PDIA6: variants seen among roughly 807,000 people sequenced by gnomAD.
PDIA6 encodes the protein protein disulfide isomerase family A member 6, also known as protein disulfide-isomerase A6.
A neutral mutation model predicts 58.4 loss-of-function variants in PDIA6; 29 were observed. That is an observed-to-expected ratio of 0.50 (90% CI 0.37 to 0.68). The LOEUF (loss-of-function observed/expected upper bound fraction) is 0.68, where lower values mean the gene tolerates loss of function less well. Among genes scored for constraint, PDIA6 ranks in the 30% least tolerant of loss-of-function variants. The pLI, the probability that PDIA6 is intolerant of heterozygous loss-of-function variation, is 0.00. For missense variants in PDIA6, 480 were observed against 551.0 expected (o/e 0.87, Z 1.29); for synonymous variants, 192 against 202.6 (o/e 0.95, Z 0.44).
At chr2:10,820,784 G>C in intron 1 of PDIA6, 1 of 703,030 alleles carries the variant, frequency 1.4e-6, no homozygotes, top group Non-Finnish European at 2.6e-6. Flanking sequence ...GCTGGAAGTC[G>C]GAGCTGATGT....
chr2:10,832,392 C>A (rs1558467667), exon 1 of PDIA6: 3 of 984,578 alleles, frequency 3.0e-6, no homozygotes, highest in Non-Finnish European at 3.6e-6. Flanking sequence ...TCCTCGCCAT[C>A]TACGCCTCAC....
At chr2:10,836,424 G>A (rs1444479433), upstream of PDIA6, among the ~76,000 whole-genome samples, 1 of 152,138 alleles carries the variant, frequency 6.6e-6, no homozygotes, top group East Asian at 1.9e-4. Context: ...AGTTGCCCAG[G>A]CTGATCTCGA....
chr2:10,784,253 G>A lies in PDIA6; in HGVS notation c.*5C>T. 6.2e-7 allele frequency: 1 copy of A among 1,610,048 alleles called. No homozygotes were observed. Among genetic ancestry groups the A allele is most frequent in the African/African-American group, 1.3e-5 (1 of 74,888 alleles). On this transcript the variant is annotated 3_prime_UTR_variant, in exon 13 of 13. Transcript: ENST00000272227. ...GAAAATGGTCTGAAGCCTCTGTTGTGGCTCTCACAACTCATCTTTCCCTAA... is the reference window on the plus strand; with the variant it reads ...GAAAATGGTCTGAAGCCTCTGTTGTAGCTCTCACAACTCATCTTTCCCTAA...
In PDIA6 at chr2:10,797,130, A is replaced by G. The variant is rs1358363057; in HGVS notation, c.297T>C (p.Pro99=). Residue 99 remains proline (P), a synonymous_variant, in exon 4 of 13, where the codon CCT becomes CCC. Coordinates refer to ENST00000272227, the MANE Select transcript of PDIA6 (RefSeq NM_005742.4). ...TGTTGGATCCAAAAATCTTAATGGT[A>G]GGAAATCCCTGAACACCATACTGAC... ...LGGQYGVQGF[P]TIKIFGSNKN... 3.1e-6 allele frequency: 5 copies of G among 1,613,208 alleles called. No individual in the cohort carries two copies. Among genetic ancestry groups the G allele is most frequent in the Non-Finnish European group, 4.2e-6 (5 of 1,179,186 alleles).
chr2:10,806,647 A>ACAGACAGACAG (rs1558452569), intron 1 of PDIA6, among the ~76,000 whole-genome samples: 2 of 149,982 alleles, frequency 1.3e-5, no homozygotes, highest in African/African-American at 4.9e-5. Context: ...AGAAAGAAAG[A>ACAGACAGACAG]AAAACGTTAC....
intron 1 of PDIA6, among the ~76,000 whole-genome samples, chr2:10,830,285 G>T (rs1029909028): frequency 6.6e-6 from 1 of 152,214 alleles, no homozygotes; most frequent in South Asian, 2.1e-4. Flanking sequence ...ATGAATGAAC[G>T]CATCCGTGAA....
chr2:10,802,428 A>T, intron 2 of PDIA6, 71 bp downstream of exon 2: 1 of 1,012,658 alleles, frequency 9.9e-7, no homozygotes, highest in Non-Finnish European at 1.3e-6. Flanking sequence ...ATAAAATCAG[A>T]TTTTTATACA....
At chr2:10,785,131 T>C (rs1420443716) in intron 11 of PDIA6, 101 bp from the exon 12 acceptor site, 2 of 784,082 alleles carry the variant, frequency 2.6e-6, no homozygotes, top group Admixed American at 4.4e-5. Context: ...ACTTTGTTTA[T>C]GCAGAGGCAT....
At chr2:10,789,939 A>G (rs1665955407) in intron 7 of PDIA6, 50 bp from the exon 8 acceptor site, 4 of 1,527,428 alleles carry the variant, frequency 2.6e-6, no homozygotes, top group Non-Finnish European at 3.6e-6. Context: ...TTAATGCAAA[A>G]TAACACAATC....
rs780566135 is a variant in PDIA6 at position 10,802,487 on chromosome 2, TATA to T, written c.161+9_161+11del. ...TACTATAAATAATCTACAACTATTT[TATA>T]ATACTTACCATGGAGCATAGAATTC... is the stretch of plus-strand genomic sequence containing the variant. On this transcript the variant is annotated intron_variant, in intron 2 of 12. Coordinates refer to ENST00000272227, the MANE Select transcript of PDIA6 (RefSeq NM_005742.4). The T allele has an allele frequency of 7.5e-7, 1 of 1,338,476 alleles. No individual in the cohort carries two copies. Among genetic ancestry groups the T allele is most frequent in the Non-Finnish European group, 9.7e-7 (1 of 1,028,912 alleles). The allele number at this position is 1,338,476 out of a possible 1,614,324, so 82.9% of individuals were successfully genotyped here. A position where few individuals can be genotyped will look rare whatever the true frequency, so the allele number is the denominator to read the frequency against.
At chr2:10,797,522 C>T (rs1035970136) in intron 3 of PDIA6, among the ~76,000 whole-genome samples, 178 bp downstream of exon 3, 17 of 152,214 alleles carry the variant, frequency 1.1e-4, no homozygotes, top group African/African-American at 4.1e-4. Flanking sequence ...CCCTTGTTCT[C>T]AGTATGATTT....
At chr2:10,786,959 C>G (rs1665792678) in intron 11 of PDIA6, among the ~76,000 whole-genome samples, 1 of 152,158 alleles carries the variant, frequency 6.6e-6, no homozygotes, top group South Asian at 2.1e-4. Flanking sequence ...TGAGGATGGA[C>G]AGACAGGGCT....
At chr2:10,785,162 A>G in intron 11 of PDIA6, 132 bp from the exon 12 acceptor site, 1 of 648,652 alleles carries the variant, frequency 1.5e-6, no homozygotes, top group Non-Finnish European at 2.8e-6. Flanking sequence ...TTGCTGCACT[A>G]CATTCCTCAG....
rs527557948 is a variant in PDIA6 at position 10,820,833 on chromosome 2, C to T, written c.-47-1479G>A. 7.1e-6 allele frequency: 5 copies of T among 702,992 alleles called. No individual in the cohort carries two copies. The East Asian group carries it at 8.0e-5, about 11-fold the overall frequency. The allele number at this position is 702,992 out of a possible 1,614,324, so 43.5% of individuals were successfully genotyped here. On this transcript the variant is annotated intron_variant, in intron 1 of 13. Transcript: ENST00000381611. ...AACTGGGGCCAGTGGTCGGCACACC[C>T]ACACAAGCTTCTCCCGGAGGTCTCT...
intron 1 of PDIA6, among the ~76,000 whole-genome samples, chr2:10,828,640 G>T (rs1315130172): frequency 1.3e-5 from 2 of 152,230 alleles, no homozygotes; most frequent in Non-Finnish European, 2.9e-5. Context: ...CACTGGGCAT[G>T]GTGCAGCCTT....
intron 1 of PDIA6, chr2:10,820,827 C>T (rs1667362337): frequency 2.8e-6 from 2 of 702,996 alleles, no homozygotes; most frequent in Non-Finnish European, 5.2e-6. Context: ...CAGTGGTCGG[C>T]ACACCCACAC....
At chr2:10,827,729 C>T (rs1315024797) in intron 1 of PDIA6, among the ~76,000 whole-genome samples, 1 of 151,296 alleles carries the variant, frequency 6.6e-6, no homozygotes, top group Admixed American at 6.6e-5. Context: ...GTGGCTGAGG[C>T]AGGAGAATTA....
At chr2:10,798,835 TA>T (rs1203112011) in intron 2 of PDIA6, among the ~76,000 whole-genome samples, 6 of 152,320 alleles carry the variant, frequency 3.9e-5, no homozygotes, top group Non-Finnish European at 8.8e-5. Context: ...TCCAACTTTT[TA>T]ATTTTATATA....
chr2:10,816,244 G>A (rs996134638), upstream of PDIA6, among the ~76,000 whole-genome samples: 2 of 151,608 alleles, frequency 1.3e-5, no homozygotes, highest in African/African-American at 4.8e-5. Context: ...CACCATGTCC[G>A]GCTAATTTTT....
Sources: gnomAD v4.1 joint callset for allele counts (sites outside exome capture counted in the v4.1 genomes callset) on GRCh38, gnomAD v4.1.1 for gene constraint, MANE v1.5 for transcripts, NCBI Gene and HGNC (gene_info 2026-07-23, HGNC 2026-07-21) for gene names.